The following ADAM23 variants were observed in gnomAD, a reference collection of about 807,000 sequenced individuals.
ADAM23 encodes disintegrin and metalloproteinase domain-containing protein 23.
Under a neutral mutation model 120.1 loss-of-function variants are expected in ADAM23, and 33 were observed. The observed-to-expected ratio is 0.27, with a 90% CI of 0.21 to 0.37. The LOEUF (loss-of-function observed/expected upper bound fraction) is 0.37. Among genes scored for constraint, ADAM23 ranks in the 10% least tolerant of loss-of-function variants. The pLI, the probability that ADAM23 is intolerant of heterozygous loss-of-function variation, is 1.00. For missense variants in ADAM23, 862 were observed against 1,058.2 expected (o/e 0.81, Z 2.57); for synonymous variants, 367 against 375.2 (o/e 0.98, Z 0.25).
At chr2:206,481,403 A>C in intron 3 of ADAM23, 95 bp downstream of exon 3, 1 of 871,046 alleles carries the variant, frequency 1.1e-6, no homozygotes, top group Non-Finnish European at 1.7e-6. Context: ...GTTGTTTAAC[A>C]ACTATTTTCT....
chr2:206,498,229 C>T (rs1042032244), intron 3 of ADAM23, among the ~76,000 whole-genome samples: 14 of 152,188 alleles, frequency 9.2e-5, no homozygotes, highest in Non-Finnish European at 1.6e-4. Context: ...CTGGAGGCAT[C>T]GAGCTACTTG....
At chr2:206,589,740 T>G (rs1698390284) in intron 21 of ADAM23, among the ~76,000 whole-genome samples, 1 of 152,150 alleles carries the variant, frequency 6.6e-6, no homozygotes, top group Non-Finnish European at 1.5e-5. Context: ...ATTCAGAAAA[T>G]TTCTCAGGTG....
At chr2:206,454,189 G>A (rs1173819754) in intron 2 of ADAM23, among the ~76,000 whole-genome samples, 1 of 152,144 alleles carries the variant, frequency 6.6e-6, no homozygotes, top group Non-Finnish European at 1.5e-5. Context: ...AGTTCCACAG[G>A]TCGTACTGGA....
In ADAM23 at chr2:206,619,433, G is replaced by A. The variant is rs531166213; in HGVS notation, c.*1806G>A. 6.6e-6 allele frequency: 1 copy of A among 152,186 alleles called. No individual in the cohort carries two copies. The highest frequency in any genetic ancestry group is 2.1e-4 in the South Asian group (1 of 4,814). 9.4% of individuals were successfully genotyped at this position (152,186 alleles called of 1,614,324 possible). A position where few individuals can be genotyped will look rare whatever the true frequency, so the allele number is the denominator to read the frequency against. On this transcript the variant is annotated 3_prime_UTR_variant, in exon 26 of 26. Transcript: ENST00000264377. ...TTTGTTTTAATGTACAAACCGGTAT[G>A]TGATCACTTCAGTGAGCATCCCTCT...
At chr2:206,507,637 T>C (rs542945625) in intron 3 of ADAM23, among the ~76,000 whole-genome samples, 3 of 152,198 alleles carry the variant, frequency 2.0e-5, no homozygotes, top group African/African-American at 4.8e-5. Flanking sequence ...ACTAATACAG[T>C]AGGATTTATT....
At chr2:206,564,225 G>C (rs1465802173) in intron 13 of ADAM23, among the ~76,000 whole-genome samples, 1 of 151,390 alleles carries the variant, frequency 6.6e-6, no homozygotes, top group South Asian at 2.1e-4. Flanking sequence ...TCGATATATC[G>C]ATAGAGAGAG....
chr2:206,448,831 A>G (rs1476283406), intron 2 of ADAM23, among the ~76,000 whole-genome samples: 1 of 152,190 alleles, frequency 6.6e-6, no homozygotes, highest in Non-Finnish European at 1.5e-5. Flanking sequence ...CTGGCTCTTC[A>G]TCTGTATTCT....
At chr2:206,545,475 G>A (rs12463978) in intron 6 of ADAM23, among the ~76,000 whole-genome samples, 40,969 of 151,936 alleles carry the variant, frequency 0.27, 5,701 homozygotes, top group South Asian at 0.32. Flanking sequence ...GACAGAGCGA[G>A]ACTCCATCTC....
intron 5 of ADAM23, among the ~76,000 whole-genome samples, chr2:206,542,935 T>G (rs1697322175): frequency 6.6e-6 from 1 of 152,232 alleles, no homozygotes; most frequent in Admixed American, 6.5e-5. Context: ...CTTTAGAGAC[T>G]GCCACTGAGT....
At chr2:206,528,185 C>G (rs1026884824) in intron 3 of ADAM23, among the ~76,000 whole-genome samples, 7 of 152,126 alleles carry the variant, frequency 4.6e-5, no homozygotes, top group Non-Finnish European at 1.0e-4. Flanking sequence ...GTTAGGGAGA[C>G]CTCTCTGCCT....
In ADAM23 at chr2:206,528,885, G is replaced by A. The variant is rs148635494; in HGVS notation, c.510-2000G>A. Among the ~76,000 whole-genome samples the A allele has an allele frequency of 2.1e-4, 32 of 152,238 alleles. No individual in the cohort carries two copies. In the East Asian group the frequency reaches 6.2e-3, roughly 29 times the overall value. On this transcript the variant is annotated intron_variant, in intron 3 of 25. Coordinates refer to ENST00000264377, the MANE Select transcript of ADAM23 (RefSeq NM_003812.4). ...TACTCTTGTCCTTCAGTTCCCATTA[G>A]GATTAAATGAGTTAATACCATTATA...
At chr2:206,459,386 T>G (rs1695366662) in intron 2 of ADAM23, among the ~76,000 whole-genome samples, 1 of 152,248 alleles carries the variant, frequency 6.6e-6, no homozygotes, top group African/African-American at 2.4e-5. Flanking sequence ...TTAATCCTTT[T>G]AAGACCTACT....
At chr2:206,530,763 C>G (rs919459556) in intron 3 of ADAM23, 122 bp from the exon 4 acceptor site, 33 of 398,280 alleles carry the variant, frequency 8.3e-5, no homozygotes, top group Non-Finnish European at 1.2e-4. Context: ...TGTTTCTGTA[C>G]TAACCATGGA....
intron 3 of ADAM23, among the ~76,000 whole-genome samples, chr2:206,491,728 G>A (rs1696138360): frequency 1.3e-5 from 2 of 152,178 alleles, no homozygotes; most frequent in Admixed American, 1.3e-4. Context: ...TTAGTGGGTT[G>A]TGTAATTTTC....
chr2:206,548,736 C>G (rs999147250), intron 8 of ADAM23, among the ~76,000 whole-genome samples: 31 of 152,018 alleles, frequency 2.0e-4, no homozygotes, highest in African/African-American at 7.5e-4. Context: ...AATAAAAAAT[C>G]TAGAGAGAGG....
intron 9 of ADAM23, among the ~76,000 whole-genome samples, chr2:206,551,315 T>C (rs1553560009): frequency 6.6e-6 from 1 of 152,166 alleles, no homozygotes; most frequent in Non-Finnish European, 1.5e-5. Context: ...CGGGATCTGA[T>C]GGGAGCTGGC....
Position 206,589,436 on chromosome 2 carries a change from A to T in ADAM23, c.1880A>T (p.Tyr627Phe). 6.2e-7 allele frequency: 1 copy of T among 1,613,884 alleles called. No homozygotes were observed. Among genetic ancestry groups the T allele is most frequent in the South Asian group, 1.1e-5 (1 of 91,000 alleles). The change falls in exon 21 of 26, where the codon TAT becomes TTT. Residue 627 changes from tyrosine to phenylalanine, a missense_variant. Physicochemically the swap from Tyr to Phe is conservative, Grantham distance 22. Around this residue, in one of 4 missense-constraint regions of ADAM23, gnomAD observed 617 missense variants for 813.5 expected, o/e 0.76. Coordinates refer to ENST00000264377, the MANE Select transcript of ADAM23 (RefSeq NM_003812.4). The stretch of plus-strand genomic sequence containing the variant: ...GCTGCAGGGTCTGACAAGTTCTGCT[A>T]TGAAAAGCTGAATACAGAAGGCACT... ...TKAAGSDKFC[Y>F]EKLNTEGTEK...
intron 9 of ADAM23, among the ~76,000 whole-genome samples, chr2:206,554,288 G>A (rs1443366890): frequency 6.6e-6 from 1 of 152,100 alleles, no homozygotes; most frequent in East Asian, 1.9e-4. Flanking sequence ...CTGGCTGGTG[G>A]AACCTCATTT....
intron 3 of ADAM23, among the ~76,000 whole-genome samples, chr2:206,525,065 G>GT (rs1696916026): frequency 1.3e-5 from 2 of 152,144 alleles, no homozygotes; most frequent in African/African-American, 4.8e-5. Context: ...CCTGGTTTAT[G>GT]TATGTCTGTT....
Sources: gnomAD v4.1 joint callset for allele counts (sites outside exome capture counted in the v4.1 genomes callset) on GRCh38, gnomAD v4.1.1 for gene constraint, gnomAD v4.1.1 regional missense constraint, MANE v1.5 for transcripts, NCBI Gene and HGNC (gene_info 2026-07-23, HGNC 2026-07-21) for gene names.